The following TMPO variants were observed in gnomAD, a reference collection of about 807,000 sequenced individuals.
TMPO encodes thymopoietin.
In TMPO, 22 loss-of-function variants were observed where a neutral mutation model predicts 45.4. The observed-to-expected ratio is 0.48, with a 90% CI of 0.35 to 0.69. The LOEUF (loss-of-function observed/expected upper bound fraction) is 0.69, where lower values mean the gene tolerates loss of function less well. Among genes scored for constraint, TMPO ranks in the 30% least tolerant of loss-of-function variants. The pLI is 0.01. For missense variants in TMPO, 512 were observed against 548.8 expected, an observed-to-expected ratio of 0.93 and a Z score of 0.67; for synonymous variants, 241 against 204.1, an observed-to-expected ratio of 1.18 and a Z score of -1.54.
chr12:98,545,400 A>G (rs1054133311), intron 7 of TMPO, among the ~76,000 whole-genome samples: 2 of 152,086 alleles, frequency 1.3e-5, no homozygotes, highest in Admixed American at 6.6e-5. Context: ...GGGAGGCTAC[A>G]CTTTCTTTTG....
chr12:98,516,188 G>C, intron 1 of TMPO, 42 bp downstream of exon 1: 1 of 1,323,092 alleles, frequency 7.6e-7, no homozygotes, highest in South Asian at 2.1e-5. Context: ...GGCGTTTGGC[G>C]GTTGCCGCGC....
intron 1 of TMPO, among the ~76,000 whole-genome samples, chr12:98,516,844 T>G (rs1428119919): frequency 1.3e-5 from 2 of 152,230 alleles, no homozygotes; most frequent in African/African-American, 4.8e-5. Flanking sequence ...AGTGTCGCAC[T>G]TGTTGCCCAG....
intron 4 of TMPO, among the ~76,000 whole-genome samples, chr12:98,542,389 TTATC>T (rs1204881028): frequency 6.6e-6 from 1 of 152,032 alleles, no homozygotes; most frequent in Non-Finnish European, 1.5e-5. Context: ...GCTTTAGAAA[TTATC>T]TATTCCCAGA....
At chr12:98,538,480 G>A (rs1043979379) in intron 4 of TMPO, among the ~76,000 whole-genome samples, 1 of 152,080 alleles carries the variant, frequency 6.6e-6, no homozygotes, top group South Asian at 2.1e-4. Flanking sequence ...AGCCTCCCAA[G>A]TAGCTGGGAT....
At chr12:98,526,603 T>G (rs992941737) in intron 1 of TMPO, among the ~76,000 whole-genome samples, 4 of 152,224 alleles carry the variant, frequency 2.6e-5, no homozygotes, top group African/African-American at 9.6e-5. Context: ...TGTATTCATT[T>G]GGGAGAATGG....
intron 4 of TMPO, among the ~76,000 whole-genome samples, chr12:98,539,627 C>T (rs985633935): frequency 3.3e-5 from 5 of 152,070 alleles, no homozygotes; most frequent in African/African-American, 1.2e-4. Context: ...GTTCCCGCCA[C>T]CATGCCCAGC....
chr12:98,547,871 T>A lies in TMPO; in HGVS notation c.*13T>A. On this transcript the variant is annotated 3_prime_UTR_variant, in exon 9 of 9. Transcript: ENST00000556029. Reference sequence around the variant, plus strand: ...AAAATCCAACTGAATGGTATCTCTTTGGCACGTTCAACTTGGTCTCCTATT... The same window carrying A: ...AAAATCCAACTGAATGGTATCTCTTAGGCACGTTCAACTTGGTCTCCTATT... 6.2e-7 allele frequency: 1 copy of A among 1,613,732 alleles called. No homozygotes were observed. Among genetic ancestry groups the A allele is most frequent in the Non-Finnish European group, 8.5e-7 (1 of 1,179,932 alleles).
rs1185894781 is a variant in TMPO, at chr12:98,544,356, C to G, written c.783+7C>G. ...AAGAACTCCAAGGAAAAGGGTGATG[C>G]AAGGCTTATTCCTTGGGTTTTCAGA... On this transcript the variant is annotated splice_region_variant and intron_variant, in intron 5 of 8. Coordinates refer to ENST00000556029, the MANE Select transcript of TMPO (RefSeq NM_001032283.3). 3 of 1,613,888 alleles carry G rather than the reference C, an allele frequency of 1.9e-6. No homozygotes were observed. The highest frequency in any genetic ancestry group is 2.5e-6 in the Non-Finnish European group (3 of 1,179,876).
chr12:98,546,317 A>G (rs757522570), intron 7 of TMPO, 42 bp from the exon 8 acceptor site: 11 of 1,343,864 alleles, frequency 8.2e-6, no homozygotes, highest in Admixed American at 3.4e-5. Flanking sequence ...TGTTTACACT[A>G]AATTTTAACT....
chr12:98,527,217 G>T (rs947407384), intron 1 of TMPO, among the ~76,000 whole-genome samples: 14 of 151,582 alleles, frequency 9.2e-5, no homozygotes, highest in African/African-American at 3.4e-4. Context: ...GGTTATTTAG[G>T]CTGTGTGCAG....
intron 3 of TMPO, chr12:98,534,738 C>G (rs1877465102): frequency 9.7e-7 from 1 of 1,035,186 alleles, no homozygotes; most frequent in Non-Finnish European, 1.2e-6. Flanking sequence ...GTTACACATT[C>G]AGAACAGTGA....
chr12:98,546,331 GGTT>G (rs758247933), intron 7 of TMPO, 25 bp from the exon 8 acceptor site: 34 of 1,453,418 alleles, frequency 2.3e-5, no homozygotes, highest in Non-Finnish European at 3.0e-5. Flanking sequence ...TTTAACTTGT[GGTT>G]GTTTGTTTGT....
Position 98,549,515 on chromosome 12 carries a change from T to C in TMPO, c.*1657T>C, listed in dbSNP as rs1878415841. 1 of 151,872 alleles carries C rather than the reference T, an allele frequency of 6.6e-6. No homozygotes were observed. The highest frequency in any genetic ancestry group is 6.6e-5 in the Admixed American group (1 of 15,208). 9.4% of individuals were successfully genotyped at this position (151,872 alleles called of 1,614,324 possible). The stretch of plus-strand genomic sequence containing the variant: ...TGGTTATCTTTGTGGATGATTTTTT[T>C]TTTTAAGCTGAAACTTACCTCATGA... On this transcript the variant is annotated 3_prime_UTR_variant, in exon 9 of 9. Coordinates refer to ENST00000556029, the MANE Select transcript of TMPO (RefSeq NM_001032283.3).
intron 1 of TMPO, among the ~76,000 whole-genome samples, chr12:98,519,792 T>A (rs1375187366): frequency 2.0e-5 from 3 of 152,116 alleles, no homozygotes; most frequent in African/African-American, 7.2e-5. Flanking sequence ...TTATCAGCCA[T>A]AGGAAAAAAT....
intron 3 of TMPO, chr12:98,534,010 C>G: frequency 6.2e-7 from 1 of 1,607,738 alleles, no homozygotes; most frequent in Non-Finnish European, 8.5e-7. Flanking sequence ...GATTGCAACT[C>G]ACACTGCCTT....
At chr12:98,539,853 T>C (rs985748468) in intron 4 of TMPO, among the ~76,000 whole-genome samples, 4 of 152,246 alleles carry the variant, frequency 2.6e-5, no homozygotes, top group Non-Finnish European at 5.9e-5. Flanking sequence ...TTTCACACAT[T>C]AAAAAGTCAG....
chr12:98,546,927 CTT>C (rs1878259702), intron 8 of TMPO, among the ~76,000 whole-genome samples: 1 of 152,014 alleles, frequency 6.6e-6, no homozygotes, highest in East Asian at 1.9e-4. Context: ...GTTTATGTAT[CTT>C]AATTTTTAAC....
chr12:98,540,270 T>C (rs1877832864), intron 4 of TMPO, among the ~76,000 whole-genome samples: 1 of 152,226 alleles, frequency 6.6e-6, no homozygotes, highest in Non-Finnish European at 1.5e-5. Flanking sequence ...CTTTCTGTGA[T>C]AGAAATTTTT....
At chr12:98,525,691 A>T (rs1876711278) in intron 1 of TMPO, among the ~76,000 whole-genome samples, 1 of 151,658 alleles carries the variant, frequency 6.6e-6, no homozygotes. Flanking sequence ...CAGTGAGCCA[A>T]GATTGCGCCA....
Sources: gnomAD v4.1 joint callset for allele counts (sites outside exome capture counted in the v4.1 genomes callset) on GRCh38, gnomAD v4.1.1 for gene constraint, MANE v1.5 for transcripts, NCBI Gene and HGNC (gene_info 2026-07-23, HGNC 2026-07-21) for gene names.